PRKD1: variants seen among roughly 807,000 people sequenced by gnomAD.
PRKD1 encodes the protein serine/threonine-protein kinase D1.
A neutral mutation model predicts 95.9 loss-of-function variants in PRKD1; 63 were observed. That is an observed-to-expected ratio of 0.66 (90% CI 0.54 to 0.81). The LOEUF (loss-of-function observed/expected upper bound fraction) is 0.81, where lower values mean the gene tolerates loss of function less well. PRKD1 is among the 30% of genes least tolerant of loss of function. The pLI is 0.00. For synonymous variants in PRKD1, 425 were observed against 423.1 expected (o/e 1.00, Z -0.05); for missense variants, 1,048 against 1,165.3 (o/e 0.90, Z 1.47).
chr14:29,725,523 A>G lies in PRKD1; in HGVS notation c.403+13T>C, dbSNP rs1886095196. 3 of 1,610,362 alleles carry G rather than the reference A, an allele frequency of 1.9e-6. No homozygotes were observed. Among genetic ancestry groups the G allele is most frequent in the African/African-American group, 1.3e-5 (1 of 74,700 alleles). ...TAATCTACGGATAAAGAAAAGGTAT[A>G]AAAGTATACTACCTGACAAGACCAC... On this transcript the variant is annotated intron_variant, in intron 2 of 17. Transcript: ENST00000331968.
intron 1 of PRKD1, among the ~76,000 whole-genome samples, chr14:29,741,801 T>C (rs1886990772): frequency 6.6e-6 from 1 of 152,180 alleles, no homozygotes; most frequent in Admixed American, 6.5e-5. Context: ...ATTCATTATA[T>C]CTATATATCT....
intron 1 of PRKD1, among the ~76,000 whole-genome samples, chr14:29,786,083 T>C (rs1446404835): frequency 6.6e-6 from 1 of 152,194 alleles, no homozygotes; most frequent in Non-Finnish European, 1.5e-5. Context: ...ATGCACTTTT[T>C]CTGGATCTAT....
chr14:29,772,953 A>G (rs543637995), intron 1 of PRKD1, among the ~76,000 whole-genome samples: 1 of 152,250 alleles, frequency 6.6e-6, no homozygotes, highest in African/African-American at 2.4e-5. Flanking sequence ...TATAGTGTCT[A>G]GTTGTTTTGG....
chr14:29,814,416 A>G (rs912287483), intron 1 of PRKD1, among the ~76,000 whole-genome samples: 2 of 152,140 alleles, frequency 1.3e-5, no homozygotes, highest in Non-Finnish European at 2.9e-5. Context: ...CTGACTATCA[A>G]TGTCTTCTTG....
At chr14:29,885,423 A>G (rs188655567) in intron 1 of PRKD1, among the ~76,000 whole-genome samples, 60 of 152,252 alleles carry the variant, frequency 3.9e-4, no homozygotes, top group Non-Finnish European at 6.8e-4. Context: ...GAAAATACCT[A>G]TGTTTTTAAC....
chr14:29,750,355 G>A (rs1198573582), intron 1 of PRKD1, among the ~76,000 whole-genome samples: 3 of 152,032 alleles, frequency 2.0e-5, no homozygotes, highest in Non-Finnish European at 4.4e-5. Context: ...CAAAACTTAA[G>A]TTCCTACAGC....
chr14:29,822,510 A>C (rs1890953655), intron 1 of PRKD1, among the ~76,000 whole-genome samples: 1 of 152,224 alleles, frequency 6.6e-6, no homozygotes, highest in Non-Finnish European at 1.5e-5. Context: ...CAATCTGGAC[A>C]GTCAAAAAGA....
intron 16 of PRKD1, among the ~76,000 whole-genome samples, chr14:29,582,948 T>C (rs1892798256): frequency 6.6e-6 from 1 of 152,132 alleles, no homozygotes; most frequent in South Asian, 2.1e-4. Flanking sequence ...GAACATGGTC[T>C]GGCTGTGGGA....
chr14:29,646,336 T>C (rs1183273906), intron 4 of PRKD1, among the ~76,000 whole-genome samples: 1 of 152,126 alleles, frequency 6.6e-6, no homozygotes, highest in Non-Finnish European at 1.5e-5. Context: ...ACAGGGTGAC[T>C]ACAGTTAAAA....
chr14:29,787,602 T>G (rs945900462), intron 1 of PRKD1, among the ~76,000 whole-genome samples: 1 of 152,148 alleles, frequency 6.6e-6, no homozygotes, highest in East Asian at 1.9e-4. Flanking sequence ...TCTCTTTTTA[T>G]ATATTTTTAA....
chr14:29,921,130 G>A (rs1895089058), intron 1 of PRKD1, among the ~76,000 whole-genome samples: 1 of 152,098 alleles, frequency 6.6e-6, no homozygotes, highest in African/African-American at 2.4e-5. Context: ...AATTGAAAAG[G>A]AGTTAAATCA....
At chr14:29,681,136 C>T (rs770177690) in intron 2 of PRKD1, among the ~76,000 whole-genome samples, 6 of 152,144 alleles carry the variant, frequency 3.9e-5, no homozygotes, top group Non-Finnish European at 5.9e-5. Flanking sequence ...CTGTAAGAAA[C>T]GCTTGTGTTG....
At chr14:29,903,470 G>A (rs1894391164) in intron 1 of PRKD1, among the ~76,000 whole-genome samples, 1 of 152,184 alleles carries the variant, frequency 6.6e-6, no homozygotes, top group African/African-American at 2.4e-5. Flanking sequence ...AATGCCTGGA[G>A]TACAGTTCTC....
chr14:29,779,510 C>T (rs1888940940), intron 1 of PRKD1, among the ~76,000 whole-genome samples: 1 of 151,984 alleles, frequency 6.6e-6, no homozygotes, highest in South Asian at 2.1e-4. Context: ...AACAGAGAGC[C>T]AAATCATGAG....
intron 2 of PRKD1, among the ~76,000 whole-genome samples, chr14:29,725,291 G>A (rs1234856850): frequency 6.6e-6 from 1 of 152,140 alleles, no homozygotes; most frequent in African/African-American, 2.4e-5. Context: ...TGTTGCTAGA[G>A]GCTGAGAGGG....
Position 29,680,358 on chromosome 14 carries a change from G to A in PRKD1, c.404-14150C>T, listed in dbSNP as rs571620325. On this transcript the variant is annotated intron_variant, in intron 2 of 17. Transcript: ENST00000331968. Reference sequence around the variant, plus strand: ...GAAGTGTCAGTGTCTAGTGAGTATTGTTTAGGAGGATATAATGGGAGGTGC... The same window carrying A: ...GAAGTGTCAGTGTCTAGTGAGTATTATTTAGGAGGATATAATGGGAGGTGC... Among the ~76,000 whole-genome samples the A allele has an allele frequency of 1.2e-3, 188 of 152,252 alleles. 3 individuals are homozygous for A. In the South Asian group the frequency reaches 0.023, roughly 19 times the overall value.
intron 1 of PRKD1, among the ~76,000 whole-genome samples, chr14:29,787,851 T>C (rs1449209502): frequency 1.3e-5 from 2 of 152,200 alleles, no homozygotes; most frequent in African/African-American, 4.8e-5. Flanking sequence ...TTGCTATTGA[T>C]AGATGAGTTT....
At chr14:29,664,756 T>A (rs1417693899) in intron 3 of PRKD1, among the ~76,000 whole-genome samples, 2 of 152,204 alleles carry the variant, frequency 1.3e-5, no homozygotes, top group Non-Finnish European at 2.9e-5. Flanking sequence ...AAAGATTATA[T>A]CATGGTGTCC....
intron 2 of PRKD1, among the ~76,000 whole-genome samples, chr14:29,696,936 C>A (rs1594437590): frequency 6.6e-6 from 1 of 152,184 alleles, no homozygotes; most frequent in African/African-American, 2.4e-5. Context: ...AGAAGAGAGG[C>A]CACCTACTTC....
Sources: gnomAD v4.1 joint callset for allele counts (sites outside exome capture counted in the v4.1 genomes callset) on GRCh38, gnomAD v4.1.1 for gene constraint, MANE v1.5 for transcripts, NCBI Gene and HGNC (gene_info 2026-07-23, HGNC 2026-07-21) for gene names.